SYK: variants seen among roughly 807,000 people sequenced by gnomAD.
The protein encoded by SYK is tyrosine-protein kinase SYK.
A neutral mutation model predicts 77.8 loss-of-function variants in SYK; 16 were observed. The ratio of observed to expected loss-of-function variants is 0.21; its 90% CI spans 0.14 to 0.31. SYK has a LOEUF of 0.31. Ranked by LOEUF, SYK falls within the 10% of genes least tolerant of loss-of-function variation. The pLI is 1.00. For missense variants in SYK, 529 were observed against 814.4 expected (o/e 0.65, Z 4.26); for synonymous variants, 312 against 308.7 (o/e 1.01, Z -0.11).
At chr9:90,879,516 T>C (rs2118897764) in intron 11 of SYK, among the ~76,000 whole-genome samples, 1 of 152,356 alleles carries the variant, frequency 6.6e-6, no homozygotes, top group Middle Eastern at 3.4e-3. Context: ...TATTCCAAAA[T>C]AACTTTCTAA....
Position 90,897,172 on chromosome 9 carries a change from C to T in SYK, c.*1572C>T. 4.3e-6 allele frequency: 1 copy of T among 231,530 alleles called. No homozygotes were observed. Among genetic ancestry groups the T allele is most frequent in the Non-Finnish European group, 8.6e-6 (1 of 116,922 alleles). 14.3% of individuals were successfully genotyped at this position (231,530 alleles called of 1,614,324 possible). A position where few individuals can be genotyped will look rare whatever the true frequency, so the allele number is the denominator to read the frequency against. ...GGACAGCCATGGACAGCAGGCCCTC[C>T]TCTAACAGGGGATGCAAGGCATGGA... On this transcript the variant is annotated 3_prime_UTR_variant, in exon 14 of 14. Transcript: ENST00000375754.
At chr9:90,841,428 AGT>A (rs1473217937) in intron 1 of SYK, among the ~76,000 whole-genome samples, 1 of 148,472 alleles carries the variant, frequency 6.7e-6, no homozygotes, top group East Asian at 2.0e-4. Context: ...AGATGTGTGT[AGT>A]GTGTTGTGTG....
chr9:90,829,893 T>C (rs1825816840), intron 1 of SYK, among the ~76,000 whole-genome samples: 1 of 152,238 alleles, frequency 6.6e-6, no homozygotes, highest in African/African-American at 2.4e-5. Context: ...CTGAGTGTCT[T>C]TTGCAGAGCT....
chr9:90,834,180 A>G (rs187511314), intron 1 of SYK, among the ~76,000 whole-genome samples: 18 of 152,330 alleles, frequency 1.2e-4, no homozygotes, highest in African/African-American at 3.8e-4. Context: ...TCTGTCTCCC[A>G]GCCTCATGCA....
intron 3 of SYK, among the ~76,000 whole-genome samples, chr9:90,860,194 C>T (rs367679259): frequency 4.6e-5 from 7 of 152,274 alleles, no homozygotes; most frequent in African/African-American, 1.2e-4. Context: ...AGGTCACAGA[C>T]GTAAAAGATT....
At chr9:90,850,795 G>A (rs921770985) in intron 3 of SYK, among the ~76,000 whole-genome samples, 6 of 149,576 alleles carry the variant, frequency 4.0e-5, no homozygotes, top group Non-Finnish European at 5.9e-5. Context: ...AAGAATTCCT[G>A]AAATGCATGC....
chr9:90,844,406 GC>G, intron 2 of SYK, 91 bp downstream of exon 2: 2 of 1,344,788 alleles, frequency 1.5e-6, no homozygotes, highest in Non-Finnish European at 9.8e-7. Flanking sequence ...GTGCCTATGT[GC>G]CCTGTGTGCC....
chr9:90,875,279 T>A (rs1287292184), intron 9 of SYK, among the ~76,000 whole-genome samples: 2 of 151,658 alleles, frequency 1.3e-5, no homozygotes, highest in East Asian at 3.9e-4. Context: ...CATAAAAAAT[T>A]AGCCAGACAT....
At chr9:90,809,838 T>C (rs1825009716) in intron 1 of SYK, among the ~76,000 whole-genome samples, 1 of 152,048 alleles carries the variant, frequency 6.6e-6, no homozygotes, top group African/African-American at 2.4e-5. Context: ...TGCTCTCTGC[T>C]TGTGTTGCTG....
chr9:90,871,435 G>A (rs1827722650), intron 7 of SYK, among the ~76,000 whole-genome samples: 1 of 152,202 alleles, frequency 6.6e-6, no homozygotes, highest in Non-Finnish European at 1.5e-5. Context: ...AAAATTAAAT[G>A]TCATTACATT....
chr9:90,880,096 C>A (rs1587906766), intron 11 of SYK, among the ~76,000 whole-genome samples: 1 of 152,204 alleles, frequency 6.6e-6, no homozygotes, highest in East Asian at 1.9e-4. Flanking sequence ...GATGGCAGAC[C>A]TTCAAAATCT....
chr9:90,876,859 C>T (rs1395497852), intron 9 of SYK, among the ~76,000 whole-genome samples: 2 of 152,160 alleles, frequency 1.3e-5, no homozygotes, highest in Non-Finnish European at 2.9e-5. Context: ...TAGAAATTCA[C>T]TTTCAACAAT....
chr9:90,866,404 G>A (rs1022651310), intron 6 of SYK, among the ~76,000 whole-genome samples: 6 of 152,196 alleles, frequency 3.9e-5, no homozygotes, highest in African/African-American at 7.2e-5. Context: ...TCAAATGCAG[G>A]GAACGTGAAT....
intron 13 of SYK, among the ~76,000 whole-genome samples, chr9:90,892,205 T>C (rs1263266517): frequency 6.6e-6 from 1 of 152,152 alleles, no homozygotes; most frequent in Non-Finnish European, 1.5e-5. Context: ...ACAAATAAAA[T>C]CTGGCTAGAA....
rs529520775 is a variant in SYK, at chr9:90,819,476, T to A, written c.-42+17583T>A. Among the ~76,000 whole-genome samples the A allele has an allele frequency of 1.5e-4, 23 of 152,300 alleles. No homozygotes were observed. In the East Asian group the frequency reaches 4.2e-3, roughly 28 times the overall value. ...CCACATGGCTGGGGAGGCCTCAGAA[T>A]CATGGCAGGAGGTGAAAGGCACTTC... On this transcript the variant is annotated intron_variant, in intron 1 of 13. Transcript: ENST00000375754.
Position 90,844,040 on chromosome 9 carries a change from C to T in SYK, c.142C>T (p.Leu48=), listed in dbSNP as rs2118631650. 6.2e-7 allele frequency: 1 copy of T among 1,612,772 alleles called. No individual in the cohort carries two copies. Among genetic ancestry groups the T allele is most frequent in the Non-Finnish European group, 8.5e-7 (1 of 1,179,316 alleles). ...LYLLRQSRNY[L]GGFALSVAHG... ...TTTGCTGCGCCAGAGCCGCAACTAC[C>T]TGGGTGGCTTCGCCCTGTCCGTGGC... is the stretch of plus-strand genomic sequence containing the variant. The change falls in exon 2 of 14, where the codon CTG becomes TTG. Residue 48 remains leucine (L), a synonymous_variant. Transcript: ENST00000375754.
chr9:90,807,144 C>T (rs1824870798), intron 1 of SYK, among the ~76,000 whole-genome samples: 1 of 152,224 alleles, frequency 6.6e-6, no homozygotes, highest in East Asian at 1.9e-4. Context: ...GAGTCAGTCT[C>T]AGCCAGTGGT....
At position 90,895,699 on chromosome 9, in the gene SYK, C is replaced by G; in HGVS notation, c.*99C>G. 1 of 1,151,706 alleles carries G rather than the reference C, an allele frequency of 8.7e-7. No individual in the cohort carries two copies. The highest frequency in any genetic ancestry group is 1.5e-5 in the African/African-American group (1 of 66,304). 71.3% of individuals were successfully genotyped at this position (1,151,706 alleles called of 1,614,324 possible). On this transcript the variant is annotated 3_prime_UTR_variant, in exon 14 of 14. Coordinates refer to ENST00000375754, the MANE Select transcript of SYK (RefSeq NM_003177.7). This position sits in a 1 kb window ranked among gnomAD's most constrained non-coding sequence, Gnocchi z 4.4. Reference sequence around the variant, plus strand: ...TTGTCAGCCACCTCCCTCTGCCAGTCGGGAGAGCCAGGCTTGGATGGAACA... The same window carrying G: ...TTGTCAGCCACCTCCCTCTGCCAGTGGGGAGAGCCAGGCTTGGATGGAACA...
chr9:90,890,134 T>C (rs1164013013), intron 13 of SYK, among the ~76,000 whole-genome samples: 1 of 152,168 alleles, frequency 6.6e-6, no homozygotes, highest in African/African-American at 2.4e-5. Flanking sequence ...TTCTTTGTGG[T>C]GTGTGTTTAA....
Sources: allele counts gnomAD v4.1 joint callset (sites outside exome capture counted in the v4.1 genomes callset), GRCh38; gene constraint gnomAD v4.1.1; non-coding constraint Gnocchi (gnomAD v3.1); transcripts MANE v1.5; gene names NCBI Gene and HGNC (gene_info 2026-07-23, HGNC 2026-07-21).